Variants in FTCDNL1 observed in about 807,000 individuals in gnomAD.
FTCDNL1 encodes the protein formiminotransferase cyclodeaminase N-terminal like, also known as formiminotransferase N-terminal subdomain-containing protein.
In FTCDNL1, 11 loss-of-function variants were observed where a neutral mutation model predicts 5.9. That is an observed-to-expected ratio of 1.87 (90% CI 1.18 to 3.10). FTCDNL1 has a LOEUF of 3.10. Ranked by LOEUF, FTCDNL1 falls within the 30% of genes most tolerant of loss-of-function variation. The pLI, the probability that FTCDNL1 is intolerant of heterozygous loss-of-function variation, is 0.00. For synonymous variants in FTCDNL1, 58 were observed against 24.8 expected (o/e 2.34, Z -3.99); for missense variants, 115 against 65.5 (o/e 1.76, Z -2.61).
the FTCDNL1 span, among the ~76,000 whole-genome samples, chr2:199,727,250 C>T: frequency 2.0e-4 from 30 of 152,334 alleles, no homozygotes; most frequent in Middle Eastern, 3.4e-3. Flanking sequence ...CCAGTCCCCC[C>T]AGCACCAGCA....
At chr2:199,840,977 C>G (rs1054768296) in intron 3 of FTCDNL1, among the ~76,000 whole-genome samples, 1 of 151,682 alleles carries the variant, frequency 6.6e-6, no homozygotes, top group Non-Finnish European at 1.5e-5. Context: ...ATGACAAGAC[C>G]CTGTCTCTAT....
At chr2:199,836,172 GTTTT>G (rs1024363434) in intron 3 of FTCDNL1, among the ~76,000 whole-genome samples, 5 of 151,980 alleles carry the variant, frequency 3.3e-5, no homozygotes, top group Admixed American at 3.3e-4. Context: ...CTGTTTGTTT[GTTTT>G]GTGTTTGAGA....
the FTCDNL1 span, among the ~76,000 whole-genome samples, chr2:199,677,099 C>T: frequency 4.6e-5 from 7 of 152,232 alleles, no homozygotes; most frequent in South Asian, 1.2e-3. Flanking sequence ...TGAGGTACTA[C>T]GGAGTCTTGA....
the FTCDNL1 span, among the ~76,000 whole-genome samples, chr2:199,705,321 T>A: frequency 6.6e-6 from 1 of 152,194 alleles, no homozygotes; most frequent in Non-Finnish European, 1.5e-5. Context: ...AATTTGGTTA[T>A]GTTCAGTTTC....
chr2:199,679,558 CTG>C, the FTCDNL1 span, among the ~76,000 whole-genome samples: 2 of 151,886 alleles, frequency 1.3e-5, no homozygotes, highest in Non-Finnish European at 2.9e-5. Context: ...TTGTGGGTGC[CTG>C]TGTTTTTCTC....
chr2:199,832,086 A>C (rs1311463158), intron 3 of FTCDNL1, among the ~76,000 whole-genome samples: 1 of 152,202 alleles, frequency 6.6e-6, no homozygotes, highest in African/African-American at 2.4e-5. Context: ...CATAACCAAT[A>C]ATCCAAGAAG....
chr2:199,747,104 A>G, the FTCDNL1 span, among the ~76,000 whole-genome samples: 1 of 152,078 alleles, frequency 6.6e-6, no homozygotes, highest in Non-Finnish European at 1.5e-5. Context: ...AGATCCTTGA[A>G]CATCAGATGA....
chr2:199,791,484 CA>C (rs1173377819), intron 3 of FTCDNL1, among the ~76,000 whole-genome samples: 1 of 151,986 alleles, frequency 6.6e-6, no homozygotes, highest in Non-Finnish European at 1.5e-5. Context: ...AATTAAGACC[CA>C]GGGGAAAGAC....
At chr2:199,781,836 G>A (rs1054350656) in intron 3 of FTCDNL1, among the ~76,000 whole-genome samples, 6 of 152,104 alleles carry the variant, frequency 3.9e-5, no homozygotes, top group African/African-American at 1.4e-4. Context: ...CTAGCATGCA[G>A]TGGCGCCATC....
the FTCDNL1 span, among the ~76,000 whole-genome samples, chr2:199,715,915 T>C: frequency 6.6e-6 from 1 of 151,958 alleles, no homozygotes; most frequent in Non-Finnish European, 1.5e-5. Context: ...AAATGTGCTG[T>C]CTTTACATTT....
the FTCDNL1 span, among the ~76,000 whole-genome samples, chr2:199,664,949 A>G: frequency 6.6e-6 from 1 of 152,244 alleles, no homozygotes; most frequent in Admixed American, 6.5e-5. Flanking sequence ...AATCCTAGTC[A>G]TATCTATCTT....
At chr2:199,786,891 A>T (rs1699678394) in intron 3 of FTCDNL1, among the ~76,000 whole-genome samples, 1 of 152,206 alleles carries the variant, frequency 6.6e-6, no homozygotes, top group Non-Finnish European at 1.5e-5. Context: ...GTGAAAATCA[A>T]GGTGTCACCT....
At chr2:199,778,089 A>C (rs1004249794) in intron 3 of FTCDNL1, among the ~76,000 whole-genome samples, 5 of 152,196 alleles carry the variant, frequency 3.3e-5, no homozygotes. Context: ...CAAAACATTC[A>C]ATCTGTAATC....
intron 3 of FTCDNL1, among the ~76,000 whole-genome samples, chr2:199,771,137 G>C (rs73055041): frequency 6.6e-6 from 1 of 152,306 alleles, no homozygotes; most frequent in African/African-American, 2.4e-5. Context: ...TCATGGATTA[G>C]CCACCTTAGT....
the FTCDNL1 span, among the ~76,000 whole-genome samples, chr2:199,711,786 C>G: frequency 6.6e-6 from 1 of 152,100 alleles, no homozygotes; most frequent in African/African-American, 2.4e-5. Context: ...CTGGAAGCAA[C>G]CAAAGGGATG....
chr2:199,671,325 G>C, the FTCDNL1 span, among the ~76,000 whole-genome samples: 1,479 of 152,162 alleles, frequency 9.7e-3, 28 homozygotes, highest in African/African-American at 0.034. Context: ...GTGGCAAAAG[G>C]GAGAGTTCTT....
chr2:199,821,227 G>A (rs1238875788), intron 3 of FTCDNL1, among the ~76,000 whole-genome samples: 1 of 151,746 alleles, frequency 6.6e-6, no homozygotes, highest in Non-Finnish European at 1.5e-5. Context: ...TTGGCTCACC[G>A]CAAACTCCAC....
chr2:199,687,715 T>C, the FTCDNL1 span, among the ~76,000 whole-genome samples: 1 of 152,136 alleles, frequency 6.6e-6, no homozygotes, highest in East Asian at 1.9e-4. Flanking sequence ...GGACTGACCA[T>C]GGGAAATTAC....
chr2:199,697,230 C>A, the FTCDNL1 span, among the ~76,000 whole-genome samples: 1 of 152,124 alleles, frequency 6.6e-6, no homozygotes, highest in Non-Finnish European at 1.5e-5. Context: ...AGAGATCACG[C>A]CGCTGTGCTC....
Sources: gnomAD v4.1 joint callset for allele counts (sites outside exome capture counted in the v4.1 genomes callset) on GRCh38, gnomAD v4.1.1 for gene constraint, MANE v1.5 for transcripts, NCBI Gene and HGNC (gene_info 2026-07-23, HGNC 2026-07-21) for gene names.